CAST: variants seen among roughly 807,000 people sequenced by gnomAD.
CAST encodes MIR583 host.
A neutral mutation model predicts 119.6 loss-of-function variants in CAST; 76 were observed. That is an observed-to-expected ratio of 0.64 (90% CI 0.53 to 0.77). CAST has a LOEUF of 0.77. Among genes scored for constraint, CAST ranks in the 30% least tolerant of loss-of-function variants. CAST has a pLI of 0.00. For missense variants in CAST, 953 were observed against 946.5 expected, an observed-to-expected ratio of 1.01 and a Z score of -0.09; for synonymous variants, 319 against 331.6, an observed-to-expected ratio of 0.96 and a Z score of 0.41.
chr5:96,538,212 G>A (rs1289774300), intron 1 of CAST, among the ~76,000 whole-genome samples: 1 of 152,204 alleles, frequency 6.6e-6, no homozygotes, highest in East Asian at 1.9e-4. Flanking sequence ...GTTATCAAGA[G>A]CAGTGTCAAG....
the CAST span, among the ~76,000 whole-genome samples, chr5:96,109,773 A>G: frequency 6.6e-6 from 1 of 152,214 alleles, no homozygotes; most frequent in South Asian, 2.1e-4. Context: ...GAAGCGGTAG[A>G]GTAGTTTTCC....
the CAST span, among the ~76,000 whole-genome samples, chr5:96,384,366 T>C: frequency 3.9e-5 from 6 of 152,218 alleles, no homozygotes; most frequent in Non-Finnish European, 7.3e-5. Context: ...TAAGATACTT[T>C]TGATATAATT....
At chr5:96,391,355 T>G in the CAST span, 1 of 152,256 alleles carries the variant, frequency 6.6e-6, no homozygotes, top group African/African-American at 2.4e-5. Context: ...AAGTTCAAAC[T>G]TCATGGAAAA....
chr5:96,576,331 C>T (rs1746667923), intron 1 of CAST, among the ~76,000 whole-genome samples: 1 of 151,972 alleles, frequency 6.6e-6, no homozygotes, highest in African/African-American at 2.4e-5. Context: ...GTTAAATCAT[C>T]TAGATCTAAA....
At chr5:96,367,710 G>T in the CAST span, among the ~76,000 whole-genome samples, 1 of 152,060 alleles carries the variant, frequency 6.6e-6, no homozygotes, top group Non-Finnish European at 1.5e-5. Context: ...CAATTTTCCA[G>T]GTGCCATTTG....
intron 1 of CAST, among the ~76,000 whole-genome samples, chr5:96,653,789 T>C (rs927881122): frequency 1.3e-5 from 2 of 152,166 alleles, no homozygotes; most frequent in Non-Finnish European, 2.9e-5. Context: ...TAATTATCTT[T>C]AAGTATTTGA....
At chr5:96,599,133 C>A (rs1747101829) in intron 1 of CAST, among the ~76,000 whole-genome samples, 1 of 152,238 alleles carries the variant, frequency 6.6e-6, no homozygotes, top group African/African-American at 2.4e-5. Flanking sequence ...CACTGATATA[C>A]AGCTTTTGTG....
At chr5:96,301,725 G>A in the CAST span, among the ~76,000 whole-genome samples, 3 of 152,116 alleles carry the variant, frequency 2.0e-5, no homozygotes, top group African/African-American at 4.8e-5. Context: ...TCTCACATCC[G>A]GCCACACTGA....
At chr5:96,659,526 T>C (rs1388426765), upstream of CAST, among the ~76,000 whole-genome samples, 6 of 152,154 alleles carry the variant, frequency 3.9e-5, no homozygotes, top group East Asian at 3.8e-4. Context: ...TATTTATTTA[T>C]ATTTAGTTTT....
chr5:96,385,606 C>G, the CAST span, among the ~76,000 whole-genome samples: 1 of 152,100 alleles, frequency 6.6e-6, no homozygotes, highest in African/African-American at 2.4e-5. Context: ...AAAGTGTATG[C>G]TTAATGCAAA....
At chr5:96,158,520 G>T in the CAST span, among the ~76,000 whole-genome samples, 1 of 152,018 alleles carries the variant, frequency 6.6e-6, no homozygotes, top group Admixed American at 6.6e-5. Flanking sequence ...GATTAAAGTC[G>T]GGGGGAGGAC....
chr5:96,585,300 C>A (rs1746840123), intron 1 of CAST, among the ~76,000 whole-genome samples: 1 of 152,136 alleles, frequency 6.6e-6, no homozygotes, highest in Non-Finnish European at 1.5e-5. Context: ...TTGGCTTATT[C>A]CAGTTGATTT....
the CAST span, among the ~76,000 whole-genome samples, chr5:96,323,046 T>A: frequency 2.6e-5 from 4 of 152,312 alleles, no homozygotes; most frequent in South Asian, 4.1e-4. Flanking sequence ...TTAACCTGCC[T>A]ACCTTGCTTT....
chr5:96,761,428 G>A (rs1288345456), intron 24 of CAST: 1 of 152,084 alleles, frequency 6.6e-6, no homozygotes, highest in African/African-American at 2.4e-5. Context: ...GTATCTTATA[G>A]TTATCTAAAT....
At chr5:96,305,170 C>T in the CAST span, among the ~76,000 whole-genome samples, 1 of 152,122 alleles carries the variant, frequency 6.6e-6, no homozygotes, top group South Asian at 2.1e-4. Context: ...CTTCACATCC[C>T]TTGTAAGTTG....
chr5:96,503,039 G>A, the CAST span, among the ~76,000 whole-genome samples: 2 of 152,108 alleles, frequency 1.3e-5, no homozygotes, highest in Non-Finnish European at 2.9e-5. Context: ...GTTGTTGGTT[G>A]CCTTACTAAA....
chr5:96,061,167 C>T, the CAST span, among the ~76,000 whole-genome samples: 3 of 152,054 alleles, frequency 2.0e-5, no homozygotes, highest in Non-Finnish European at 4.4e-5. Flanking sequence ...AATTCCACTC[C>T]TAACACCCCT....
At chr5:96,228,938 G>A in the CAST span, among the ~76,000 whole-genome samples, 1 of 151,996 alleles carries the variant, frequency 6.6e-6, no homozygotes. Flanking sequence ...GAAAATTCAT[G>A]TGCTCTTCCT....
At chr5:96,637,810 A>G (rs1199764315) in intron 1 of CAST, among the ~76,000 whole-genome samples, 1 of 152,216 alleles carries the variant, frequency 6.6e-6, no homozygotes, top group Non-Finnish European at 1.5e-5. Context: ...AATATATGAT[A>G]ATTTAAGAAA....
Sources: gnomAD v4.1 joint callset for allele counts (sites outside exome capture counted in the v4.1 genomes callset) on GRCh38, gnomAD v4.1.1 for gene constraint, MANE v1.5 for transcripts, NCBI Gene and HGNC (gene_info 2026-07-23, HGNC 2026-07-21) for gene names.